The following ZNF385D variants were observed in gnomAD, a reference collection of about 807,000 sequenced individuals.
ZNF385D encodes the protein zinc finger protein 659.
Under a neutral mutation model 35.8 loss-of-function variants are expected in ZNF385D, and 15 were observed. The observed-to-expected ratio is 0.42, with a 90% CI of 0.28 to 0.64. The LOEUF is 0.64. Among genes scored for constraint, ZNF385D ranks in the 30% least tolerant of loss-of-function variants. The pLI, the probability that ZNF385D is intolerant of heterozygous loss-of-function variation, is 0.23. For synonymous variants in ZNF385D, 212 were observed against 186.8 expected, an observed-to-expected ratio of 1.13 and a Z score of -1.10; for missense variants, 474 against 494.6, an observed-to-expected ratio of 0.96 and a Z score of 0.39.
At chr3:22,100,844 T>TA (rs951264966) in intron 3 of ZNF385D, among the ~76,000 whole-genome samples, 2 of 150,332 alleles carry the variant, frequency 1.3e-5, no homozygotes, top group African/African-American at 2.4e-5. Flanking sequence ...AATATTAAAA[T>TA]AAAAAAAAGA....
intron 3 of ZNF385D, among the ~76,000 whole-genome samples, chr3:21,776,923 G>A (rs923114416): frequency 6.6e-6 from 1 of 151,888 alleles, no homozygotes. Context: ...AAAGTTCCCA[G>A]TTCTCTCCCC....
chr3:22,078,386 A>C (rs1475474915), intron 3 of ZNF385D, among the ~76,000 whole-genome samples: 1 of 152,072 alleles, frequency 6.6e-6, no homozygotes, highest in African/African-American at 2.4e-5. Flanking sequence ...CTCACAGAGA[A>C]AATGATCCAA....
chr3:22,215,908 G>A (rs113914369), intron 2 of ZNF385D, among the ~76,000 whole-genome samples: 9,985 of 151,926 alleles, frequency 0.066, 840 homozygotes, highest in African/African-American at 0.2. Flanking sequence ...TTCTCAGACC[G>A]GCCGACACTT....
At chr3:22,110,018 C>T (rs12485971) in intron 3 of ZNF385D, among the ~76,000 whole-genome samples, 24,611 of 152,032 alleles carry the variant, frequency 0.16, 2,660 homozygotes, top group African/African-American at 0.3. Flanking sequence ...ATTTATGCAG[C>T]CAAAAGACAC....
chr3:21,865,929 G>A (rs547337586), intron 3 of ZNF385D, among the ~76,000 whole-genome samples: 9 of 151,830 alleles, frequency 5.9e-5, no homozygotes, highest in Non-Finnish European at 1.2e-4. Flanking sequence ...TAATGCGAAG[G>A]ACACTCATGA....
At chr3:22,077,200 T>C (rs879427378) in intron 3 of ZNF385D, among the ~76,000 whole-genome samples, 2 of 152,004 alleles carry the variant, frequency 1.3e-5, no homozygotes, top group Admixed American at 6.6e-5. Flanking sequence ...TCAGACTATA[T>C]GAATGTTTCA....
At chr3:21,955,098 C>T (rs1702226351) in intron 3 of ZNF385D, among the ~76,000 whole-genome samples, 1 of 152,130 alleles carries the variant, frequency 6.6e-6, no homozygotes, top group Admixed American at 6.6e-5. Flanking sequence ...AATGGAGCAT[C>T]ATTGTGAAAA....
intron 3 of ZNF385D, among the ~76,000 whole-genome samples, chr3:22,075,943 G>A (rs925175557): frequency 1.3e-5 from 2 of 151,872 alleles, no homozygotes; most frequent in African/African-American, 4.8e-5. Flanking sequence ...ATGTGGTGAG[G>A]ATATTCTTCG....
At chr3:22,006,868 A>T (rs1157433672) in intron 3 of ZNF385D, among the ~76,000 whole-genome samples, 2 of 152,100 alleles carry the variant, frequency 1.3e-5, no homozygotes, top group African/African-American at 4.8e-5. Flanking sequence ...ACCAACAGAG[A>T]GACATCAGAA....
Position 21,559,079 on chromosome 3 carries a change from C to T in ZNF385D, c.276+5495G>A, listed in dbSNP as rs905970645. Among the ~76,000 whole-genome samples the T allele has an allele frequency of 4.0e-5, 6 of 149,772 alleles. No individual in the cohort carries two copies. In the East Asian group the frequency reaches 1.2e-3, roughly 30 times the overall value. ...TATGCGTGTTTTTACACATGAGAGT[C>T]TCCTGAATACAGCACACTGATGGTT... On this transcript the variant is annotated intron_variant, in intron 3 of 7. Coordinates refer to ENST00000281523, the MANE Select transcript of ZNF385D (RefSeq NM_024697.3).
intron 3 of ZNF385D, among the ~76,000 whole-genome samples, chr3:22,028,151 G>A (rs183513047): frequency 6.6e-6 from 1 of 152,272 alleles, no homozygotes; most frequent in East Asian, 1.9e-4. Flanking sequence ...AACAAATTTG[G>A]GGAAGAGGTA....
chr3:22,049,140 T>C (rs1699189586), intron 3 of ZNF385D, among the ~76,000 whole-genome samples: 1 of 151,560 alleles, frequency 6.6e-6, no homozygotes, highest in African/African-American at 2.4e-5. Flanking sequence ...CTACTAAAAA[T>C]ACAAAAATTA....
intron 4 of ZNF385D, among the ~76,000 whole-genome samples, chr3:21,446,242 T>C (rs1269752596): frequency 6.6e-6 from 1 of 152,126 alleles, no homozygotes; most frequent in Non-Finnish European, 1.5e-5. Context: ...TTAACTGGTC[T>C]CAGCTCTAAA....
chr3:21,747,039 C>CA, intron 1 of ZNF385D, among the ~76,000 whole-genome samples: 1 of 136,262 alleles, frequency 7.3e-6, no homozygotes, highest in East Asian at 2.1e-4. Flanking sequence ...ACTAGATTTT[C>CA]TTTTTTTTTT....
intron 5 of ZNF385D, among the ~76,000 whole-genome samples, chr3:21,429,580 T>C (rs930293759): frequency 6.6e-6 from 1 of 152,116 alleles, no homozygotes; most frequent in African/African-American, 2.4e-5. Flanking sequence ...TAAGTGGTAT[T>C]ATAGGGACAA....
chr3:21,574,852 C>A (rs1393325417), intron 2 of ZNF385D, among the ~76,000 whole-genome samples: 3 of 151,852 alleles, frequency 2.0e-5, no homozygotes. Context: ...ATTGTGGATG[C>A]AAATATTTAT....
At chr3:22,327,753 G>A (rs2125455180) in intron 2 of ZNF385D, among the ~76,000 whole-genome samples, 1 of 152,302 alleles carries the variant, frequency 6.6e-6, no homozygotes, top group Non-Finnish European at 1.5e-5. Flanking sequence ...GCAAGGAGAA[G>A]GGAGCTATAT....
At chr3:21,912,582 A>G (rs966363308) in intron 3 of ZNF385D, among the ~76,000 whole-genome samples, 1 of 152,072 alleles carries the variant, frequency 6.6e-6, no homozygotes, top group Non-Finnish European at 1.5e-5. Flanking sequence ...GCTATAGTGC[A>G]TGCAAGTCAG....
At chr3:22,249,116 G>A (rs1699937392) in intron 2 of ZNF385D, among the ~76,000 whole-genome samples, 1 of 152,112 alleles carries the variant, frequency 6.6e-6, no homozygotes, top group South Asian at 2.1e-4. Context: ...ACAGCTGAGA[G>A]TCCAGACTCT....
Sources: allele counts gnomAD v4.1 joint callset (sites outside exome capture counted in the v4.1 genomes callset), GRCh38; gene constraint gnomAD v4.1.1; transcripts MANE v1.5; gene names NCBI Gene and HGNC (gene_info 2026-07-23, HGNC 2026-07-21).